The following KIZ variants were observed in gnomAD, a reference collection of about 807,000 sequenced individuals.
The protein encoded by KIZ is centrosomal protein kizuna.
A neutral mutation model predicts 79.6 loss-of-function variants in KIZ; 68 were observed. That is an observed-to-expected ratio of 0.85 (90% CI 0.70 to 1.05). KIZ has a LOEUF of 1.05. Among genes scored for constraint, KIZ ranks in the 50% least tolerant of loss-of-function variants. KIZ has a pLI of 0.00. For missense variants in KIZ, 797 were observed against 800.4 expected (o/e 1.00, Z 0.05); for synonymous variants, 280 against 281.8 (o/e 0.99, Z 0.06).
intron 10 of KIZ, among the ~76,000 whole-genome samples, chr20:21,232,375 C>T (rs1366798825): frequency 6.6e-6 from 1 of 152,142 alleles, no homozygotes; most frequent in African/African-American, 2.4e-5. Context: ...TATTTCTGAG[C>T]CCTGGTTTGC....
chr20:21,226,183 A>G (rs964452360), intron 9 of KIZ: 2 of 152,308 alleles, frequency 1.3e-5, no homozygotes, highest in Admixed American at 1.3e-4. Context: ...CCAGGCAGCA[A>G]TTGGCTGAAG....
chr20:21,200,074 G>A (rs776410842), intron 6 of KIZ, among the ~76,000 whole-genome samples: 1 of 152,154 alleles, frequency 6.6e-6, no homozygotes, highest in African/African-American at 2.4e-5. Context: ...GCCCACCTCT[G>A]CCTCCCAAAG....
At chr20:21,192,410 G>T (rs1489143997) in intron 6 of KIZ, among the ~76,000 whole-genome samples, 1 of 150,236 alleles carries the variant, frequency 6.7e-6, no homozygotes, top group Non-Finnish European at 1.5e-5. Flanking sequence ...TCACCCTTCT[G>T]AGTAGCTGGG....
At chr20:21,149,758 A>C (rs75604144) in intron 4 of KIZ, among the ~76,000 whole-genome samples, 1 of 152,202 alleles carries the variant, frequency 6.6e-6, no homozygotes. Context: ...CTCATCTCCA[A>C]GGAGTAAAGG....
chr20:21,195,613 A>T (rs891607426), intron 6 of KIZ: 1 of 152,216 alleles, frequency 6.6e-6, no homozygotes, highest in Non-Finnish European at 1.5e-5. Context: ...CTAAGCTTGG[A>T]GATCATAAGC....
intron 7 of KIZ, among the ~76,000 whole-genome samples, chr20:21,212,249 A>G (rs1368090692): frequency 6.6e-6 from 1 of 152,226 alleles, no homozygotes; most frequent in Admixed American, 6.5e-5. Flanking sequence ...CAAAAAAGTA[A>G]CAGAAATCCT....
intron 11 of KIZ, among the ~76,000 whole-genome samples, chr20:21,238,816 C>T (rs1308359428): frequency 6.6e-6 from 1 of 152,194 alleles, no homozygotes; most frequent in Non-Finnish European, 1.5e-5. Flanking sequence ...CCTTGCTCTG[C>T]CCCTGCTCTT....
chr20:21,143,966 C>G (rs2032713886), intron 3 of KIZ: 2 of 152,228 alleles, frequency 1.3e-5, no homozygotes, highest in African/African-American at 4.8e-5. Flanking sequence ...TTGTATCTCT[C>G]TGACTTCATT....
At chr20:21,157,975 A>G (rs1237430085) in intron 4 of KIZ, among the ~76,000 whole-genome samples, 1 of 152,216 alleles carries the variant, frequency 6.6e-6, no homozygotes, top group Admixed American at 6.5e-5. Context: ...AGTAACTGCT[A>G]TTGCACAGCC....
At chr20:21,221,933 T>C (rs535358342) in intron 9 of KIZ, among the ~76,000 whole-genome samples, 1 of 152,276 alleles carries the variant, frequency 6.6e-6, no homozygotes, top group East Asian at 1.9e-4. Flanking sequence ...CCAAAGCATT[T>C]TCCTGACAAG....
At chr20:21,168,017 C>A (rs1030133132) in intron 6 of KIZ, among the ~76,000 whole-genome samples, 1 of 152,074 alleles carries the variant, frequency 6.6e-6, no homozygotes, top group Non-Finnish European at 1.5e-5. Context: ...TTGTGCTTCA[C>A]CCAGTAACTC....
At chr20:21,127,977 T>C (rs1204174008) in intron 1 of KIZ, among the ~76,000 whole-genome samples, 1 of 152,252 alleles carries the variant, frequency 6.6e-6, no homozygotes, top group South Asian at 2.1e-4. Context: ...TATTATTGTC[T>C]GTATCCAATT....
intron 7 of KIZ, chr20:21,213,522 T>C (rs1368623630): frequency 6.6e-6 from 1 of 152,202 alleles, no homozygotes; most frequent in Non-Finnish European, 1.5e-5. Flanking sequence ...GTATTTACTG[T>C]CATTGTCAGC....
At chr20:21,186,138 G>A (rs905426337) in intron 6 of KIZ, among the ~76,000 whole-genome samples, 4 of 152,064 alleles carry the variant, frequency 2.6e-5, no homozygotes, top group African/African-American at 9.7e-5. Context: ...AGTAAAAAAT[G>A]TTCTAATTTA....
At position 21,219,789 on chromosome 20, in the gene KIZ, G is replaced by T. The variant is rs192024903; in HGVS notation, c.1678+4141G>T. Among the ~76,000 whole-genome samples the T allele has an allele frequency of 4.6e-3, 705 of 152,212 alleles. 3 individuals carry two copies. Among genetic ancestry groups the T allele is most frequent in the South Asian group, 0.012 (59 of 4,824 alleles). ...ATTTGCTTATCACCACAAAACGGAG[G>T]TCTTCTTGGCTGGGGCTCCTCCTTA... On this transcript the variant is annotated intron_variant, in intron 9 of 12. Coordinates refer to ENST00000619189, the MANE Select transcript of KIZ (RefSeq NM_018474.6).
At chr20:21,234,442 G>A (rs2036933200) in intron 11 of KIZ, among the ~76,000 whole-genome samples, 1 of 151,848 alleles carries the variant, frequency 6.6e-6, no homozygotes, top group African/African-American at 2.4e-5. Flanking sequence ...TGGGTCCAGA[G>A]TGCGTGGGTT....
At chr20:21,145,144 TAAG>T (rs1300459183) in intron 3 of KIZ, among the ~76,000 whole-genome samples, 1 of 145,426 alleles carries the variant, frequency 6.9e-6, no homozygotes, top group Non-Finnish European at 1.5e-5. Context: ...ATCATATAGA[TAAG>T]AAATCAGTAG....
intron 6 of KIZ, among the ~76,000 whole-genome samples, chr20:21,170,255 A>C (rs6047285): frequency 6.6e-6 from 1 of 151,888 alleles, no homozygotes; most frequent in African/African-American, 2.4e-5. Flanking sequence ...GGTAAATGGG[A>C]TATCCATCTC....
chr20:21,181,608 G>A (rs372370075), intron 6 of KIZ, among the ~76,000 whole-genome samples: 50 of 151,956 alleles, frequency 3.3e-4, no homozygotes, highest in South Asian at 1.9e-3. Context: ...ACAGGCATGC[G>A]CCACCATGCC....
Sources: allele counts gnomAD v4.1 joint callset (sites outside exome capture counted in the v4.1 genomes callset), GRCh38; gene constraint gnomAD v4.1.1; transcripts MANE v1.5; gene names NCBI Gene and HGNC (gene_info 2026-07-23, HGNC 2026-07-21).